GALNT9: variants seen among roughly 807,000 people sequenced by gnomAD.
The protein encoded by GALNT9 is GalNAc transferase 9.
GALNT9 carries 47 observed loss-of-function variants against 63.1 expected under a neutral mutation model. The ratio of observed to expected loss-of-function variants is 0.75; its 90% CI spans 0.59 to 0.95. The LOEUF is 0.95. Ranked by LOEUF, GALNT9 falls within the 40% of genes least tolerant of loss-of-function variation. The pLI, the probability that GALNT9 is intolerant of heterozygous loss-of-function variation, is 0.00. For synonymous variants in GALNT9, 396 were observed against 365.7 expected, an observed-to-expected ratio of 1.08 and a Z score of -0.94; for missense variants, 829 against 874.8, an observed-to-expected ratio of 0.95 and a Z score of 0.66.
intron 1 of GALNT9, among the ~76,000 whole-genome samples, chr12:132,323,266 A>G (rs1438692614): frequency 1.3e-5 from 2 of 152,170 alleles, no homozygotes; most frequent in African/African-American, 2.4e-5. Flanking sequence ...AAATGCAAAC[A>G]CTCAGCCCAG....
chr12:132,208,555 T>C (rs1000119888), intron 6 of GALNT9, among the ~76,000 whole-genome samples: 1 of 152,214 alleles, frequency 6.6e-6, no homozygotes, highest in Non-Finnish European at 1.5e-5. Context: ...GATCTCTGTC[T>C]TGTAACCTGG....
At chr12:132,221,258 C>G (rs28856055) in intron 6 of GALNT9, among the ~76,000 whole-genome samples, 83,407 of 140,406 alleles carry the variant, frequency 0.59, 24,505 homozygotes, top group East Asian at 0.71. Flanking sequence ...GAGGCTGAGG[C>G]AGCAGCATCA....
chr12:132,247,887 C>G, intron 6 of GALNT9, 23 bp downstream of exon 6: 1 of 1,550,950 alleles, frequency 6.4e-7, no homozygotes, highest in South Asian at 1.2e-5. Flanking sequence ...CACCCTGTCC[C>G]TGGACACCGG....
At chr12:132,278,784 C>G (rs2135556174) in intron 2 of GALNT9, 1 of 152,404 alleles carries the variant, frequency 6.6e-6, no homozygotes, top group East Asian at 1.9e-4. Flanking sequence ...GCCTCGGGAG[C>G]CTGGAGCTGT....
chr12:132,218,473 C>T (rs1203707320), intron 6 of GALNT9, among the ~76,000 whole-genome samples: 1 of 152,216 alleles, frequency 6.6e-6, no homozygotes, highest in Non-Finnish European at 1.5e-5. Context: ...GTGTGCATAC[C>T]TTTGAGAGAT....
Position 132,236,971 on chromosome 12 carries a change from T to C in GALNT9, c.1077+10939A>G, listed in dbSNP as rs1455805414. On this transcript the variant is annotated intron_variant, in intron 6 of 10. Transcript: ENST00000328957. The surrounding 1 kb of genome is among the most constrained non-coding windows in gnomAD (Gnocchi z 5.6). ...CTGTTCTTATCCTCATCCAATCTGG[T>C]AACCCTCGTATCCTGGATCTCTCCG... Among the ~76,000 whole-genome samples, 1 of 152,196 alleles carries C rather than the reference T, an allele frequency of 6.6e-6. No individual in the cohort carries two copies. The highest frequency in any genetic ancestry group is 2.4e-5 in the African/African-American group (1 of 41,434).
rs1404888933 is a variant in GALNT9 at position 132,327,295 on chromosome 12, T to TG, written c.238+1670dup. On this transcript the variant is annotated intron_variant, in intron 1 of 10. Coordinates refer to ENST00000328957, the MANE Select transcript of GALNT9 (RefSeq NM_001122636.2). This position sits in a 1 kb window ranked among gnomAD's most constrained non-coding sequence, Gnocchi z 4.3. The stretch of plus-strand genomic sequence containing the variant: ...AGAAGGCAGTGGGGGCGGTGGGCGG[T>TG]GGGGGGAGACACACTTTCCCGGAAT... 1.3e-5 allele frequency among the ~76,000 whole-genome samples: 1 copy of TG among 76,702 alleles called. No individual in the cohort carries two copies. Among genetic ancestry groups the TG allele is most frequent in the Non-Finnish European group, 2.7e-5 (1 of 37,068 alleles). The allele number at this position is 76,702 out of a possible 152,430, so 50.3% of individuals were successfully genotyped here.
chr12:132,226,545 C>T lies in GALNT9; in HGVS notation c.1077+21365G>A, dbSNP rs1473570948. On this transcript the variant is annotated intron_variant, in intron 6 of 10. Coordinates refer to ENST00000328957, the MANE Select transcript of GALNT9 (RefSeq NM_001122636.2). Reference sequence around the variant, plus strand: ...CCCACACACATACACAACACACAACCCACACCCCACTGTATATACACACCC... The same window carrying T: ...CCCACACACATACACAACACACAACTCACACCCCACTGTATATACACACCC... Among the ~76,000 whole-genome samples the T allele has an allele frequency of 2.1e-5, 3 of 145,602 alleles. No homozygotes were observed. In the South Asian group the frequency reaches 6.7e-4, roughly 32 times the overall value.
chr12:132,327,285 C>A lies in GALNT9; in HGVS notation c.238+1681G>T, dbSNP rs1289340055. Among the ~76,000 whole-genome samples, 1 of 72,392 alleles carries A rather than the reference C, an allele frequency of 1.4e-5. No homozygotes were observed. The highest frequency in any genetic ancestry group is 5.5e-5 in the African/African-American group (1 of 18,232). 47.5% of individuals were successfully genotyped at this position (72,392 alleles called of 152,430 possible). A position where few individuals can be genotyped will look rare whatever the true frequency, so the allele number is the denominator to read the frequency against. On this transcript the variant is annotated intron_variant, in intron 1 of 10. Transcript: ENST00000328957. This position sits in a 1 kb window ranked among gnomAD's most constrained non-coding sequence, Gnocchi z 4.3. ...GCGGGATGGGAGAAGGCAGTGGGGG[C>A]GGTGGGCGGTGGGGGGAGACACACT...
At chr12:132,258,021 A>T in intron 4 of GALNT9, 135 bp from the exon 5 acceptor site, 1 of 646,942 alleles carries the variant, frequency 1.5e-6, no homozygotes, top group South Asian at 1.9e-5. Context: ...GCTGAGCTAG[A>T]CCCACATCCT....
At chr12:132,309,170 C>A (rs556427498) in intron 1 of GALNT9, among the ~76,000 whole-genome samples, 9 of 152,342 alleles carry the variant, frequency 5.9e-5, no homozygotes, top group African/African-American at 1.9e-4. Flanking sequence ...AACATTGAAA[C>A]CCCCGTAGAT....
intron 6 of GALNT9, chr12:132,240,434 C>T: frequency 2.8e-6 from 1 of 361,938 alleles, no homozygotes; most frequent in South Asian, 2.1e-5. Context: ...TCAGCGCAGA[C>T]ATGGCCTCAG....
Position 132,327,992 on chromosome 12 carries a change from G to C in GALNT9, c.238+974C>G, listed in dbSNP as rs1004757727. On this transcript the variant is annotated intron_variant, in intron 1 of 10. Transcript: ENST00000328957. This position sits in a 1 kb window ranked among gnomAD's most constrained non-coding sequence, Gnocchi z 4.3. ...TCGAGCCTGTTACGGATGCTTTCTG[G>C]AGGAGGTTTGCTGGGGCTGCCAAGG... Among the ~76,000 whole-genome samples, 5 of 152,188 alleles carry C rather than the reference G, an allele frequency of 3.3e-5. No individual in the cohort carries two copies. The highest frequency in any genetic ancestry group is 1.2e-4 in the African/African-American group (5 of 41,448).
chr12:132,226,705 C>G, intron 6 of GALNT9, among the ~76,000 whole-genome samples: 1 of 139,616 alleles, frequency 7.2e-6, no homozygotes, highest in Non-Finnish European at 1.5e-5. Flanking sequence ...ACCCCACACA[C>G]TGTACATACA....
intron 5 of GALNT9, among the ~76,000 whole-genome samples, chr12:132,256,568 C>T (rs1383421418): frequency 6.8e-5 from 7 of 103,104 alleles, no homozygotes; most frequent in African/African-American, 1.8e-4. Flanking sequence ...AGGGGGGACA[C>T]GGGGGACACT....
chr12:132,269,204 G>A (rs565602275), intron 2 of GALNT9, among the ~76,000 whole-genome samples: 1 of 151,708 alleles, frequency 6.6e-6, no homozygotes, highest in African/African-American at 2.4e-5. Context: ...GGGAGGCGTC[G>A]GGAGGCAGCG....
intron 1 of GALNT9, among the ~76,000 whole-genome samples, chr12:132,293,226 C>T (rs1880927626): frequency 6.6e-6 from 1 of 152,220 alleles, no homozygotes; most frequent in East Asian, 1.9e-4. Flanking sequence ...TCACTTGACG[C>T]TTCCCAGGGA....
intron 6 of GALNT9, among the ~76,000 whole-genome samples, chr12:132,228,175 G>C (rs1389492083): frequency 2.0e-5 from 3 of 152,070 alleles, no homozygotes; most frequent in African/African-American, 7.2e-5. Flanking sequence ...CAGGGCTTCA[G>C]TCTCTCTCCA....
chr12:132,257,444 ATGCCCTCATCCCCG>A lies in GALNT9; in HGVS notation c.959+231_959+244del, dbSNP rs1418083103. 6.4e-5 allele frequency among the ~76,000 whole-genome samples: 4 copies of A among 62,978 alleles called. No individual in the cohort carries two copies. In the East Asian group the frequency reaches 1.6e-3, roughly 26 times the overall value. The allele number at this position is 62,978 out of a possible 152,430, so 41.3% of individuals were successfully genotyped here. ...GGGGACGTCCCCAGCCCTCGTCCCCATGCCCTCATCCCCGGCCCTCGTCCCCACGCCCTCGTCCC... is the reference window on the plus strand; with the variant it reads ...GGGGACGTCCCCAGCCCTCGTCCCCAGCCCTCGTCCCCACGCCCTCGTCCC... On this transcript the variant is annotated intron_variant, in intron 5 of 10. Coordinates refer to ENST00000328957, the MANE Select transcript of GALNT9 (RefSeq NM_001122636.2).
Sources: allele counts gnomAD v4.1 joint callset (sites outside exome capture counted in the v4.1 genomes callset), GRCh38; gene constraint gnomAD v4.1.1; non-coding constraint Gnocchi (gnomAD v3.1); transcripts MANE v1.5; gene names NCBI Gene and HGNC (gene_info 2026-07-23, HGNC 2026-07-21).